MYH3: variants seen among roughly 807,000 people sequenced by gnomAD.
The protein encoded by MYH3 is myosin heavy chain 3.
Under a neutral mutation model 238.0 loss-of-function variants are expected in MYH3, and 130 were observed. The observed-to-expected ratio is 0.55, with a 90% confidence interval of 0.47 to 0.63. The LOEUF (loss-of-function observed/expected upper bound fraction) is 0.63, where lower values mean the gene tolerates loss of function less well. MYH3 is among the 30% of genes least tolerant of loss of function. The pLI, the probability that MYH3 is intolerant of heterozygous loss-of-function variation, is 0.00. For missense variants in MYH3, 1,853 were observed against 2,374.9 expected, an observed-to-expected ratio of 0.78 and a Z score of 4.57; for synonymous variants, 880 against 924.1, an observed-to-expected ratio of 0.95 and a Z score of 0.86.
chr17:10,663,790 C>T, the MYH3 span, among the ~76,000 whole-genome samples: 3 of 152,038 alleles, frequency 2.0e-5, no homozygotes, highest in Non-Finnish European at 2.9e-5. Flanking sequence ...TGGCCAGATG[C>T]GGTGGCTCAC....
chr17:10,630,555 A>C, intron 36 of MYH3, 97 bp from the exon 37 acceptor site: 1 of 1,571,636 alleles, frequency 6.4e-7, no homozygotes, highest in Non-Finnish European at 8.7e-7. Context: ...GACCATGCTA[A>C]AGAAAAAGGA....
chr17:10,664,708 G>A, the MYH3 span, among the ~76,000 whole-genome samples: 5 of 152,140 alleles, frequency 3.3e-5, no homozygotes, highest in Non-Finnish European at 7.3e-5. Flanking sequence ...ATCTATGGTG[G>A]GGCAGGTGGC....
rs936688360 is a variant in MYH3 at position 10,645,464 on chromosome 17, A to G, written c.1141+243T>C. Among the ~76,000 whole-genome samples the G allele has an allele frequency of 2.0e-5, 3 of 151,826 alleles. No individual in the cohort carries two copies. The East Asian group carries it at 6.0e-4, about 30-fold the overall frequency. On this transcript the variant is annotated intron_variant, in intron 12 of 40. Coordinates refer to ENST00000583535, the MANE Select transcript of MYH3 (RefSeq NM_002470.4). Reference sequence around the variant, plus strand: ...TGCCTCAGCCTCCTGAGTAGCTGGGATTATAGGCATGCTCCACCATGCCCA... The same window carrying G: ...TGCCTCAGCCTCCTGAGTAGCTGGGGTTATAGGCATGCTCCACCATGCCCA...
At chr17:10,631,090 A>G (rs2074151664) in intron 36 of MYH3, among the ~76,000 whole-genome samples, 1 of 152,098 alleles carries the variant, frequency 6.6e-6, no homozygotes, top group Admixed American at 6.5e-5. Context: ...ACCAATATAT[A>G]TTTTCAAAGG....
the MYH3 span, among the ~76,000 whole-genome samples, chr17:10,669,558 G>C: frequency 0.57 from 80,534 of 141,852 alleles, 24,868 homozygotes; most frequent in African/African-American, 0.83. Context: ...CAGAGTGAGA[G>C]TCCATCTCAA....
rs752266690 is a variant in MYH3 at position 10,631,631 on chromosome 17, CCTT to C, written c.5263_5265del (p.Lys1755del). On this transcript the variant is annotated inframe_deletion, in exon 36 of 41. Transcript: ENST00000583535. The stretch of plus-strand genomic sequence containing the variant: ...CTTACGTCCGTGATGGCCTTCTTGG[CCTT>C]CTCCTCAGCGTTCCTTGCATCCCTG... The C allele has an allele frequency of 8.2e-5, 132 of 1,614,032 alleles. 1 individual carries two copies. Among genetic ancestry groups the C allele is most frequent in the Non-Finnish European group, 1.1e-4 (128 of 1,180,032 alleles).
chr17:10,656,211 G>T (rs1429997558), intron 1 of MYH3, 63 bp from the exon 2 acceptor site: 2 of 152,106 alleles, frequency 1.3e-5, no homozygotes, highest in African/African-American at 4.8e-5. Context: ...ATGTAGAATC[G>T]GCTTCTGACG....
chr17:10,663,742 T>A, the MYH3 span, among the ~76,000 whole-genome samples: 1 of 144,146 alleles, frequency 6.9e-6, no homozygotes, highest in Non-Finnish European at 1.6e-5. Context: ...GTGTCACCTA[T>A]TCCAAAAACT....
intron 14 of MYH3, among the ~76,000 whole-genome samples, chr17:10,643,539 C>T (rs1357033265): frequency 6.6e-6 from 1 of 152,108 alleles, no homozygotes; most frequent in African/African-American, 2.4e-5. Flanking sequence ...CCACACCCAT[C>T]TAATTTTTGT....
chr17:10,648,474 G>T, intron 8 of MYH3, 83 bp downstream of exon 8: 2 of 1,134,726 alleles, frequency 1.8e-6, no homozygotes, highest in Non-Finnish European at 2.7e-6. Flanking sequence ...GTTGCCTCTG[G>T]TCTCTACACT....
At chr17:10,641,436 T>C (rs935694221) in intron 17 of MYH3, 64 bp from the exon 18 acceptor site, 6 of 1,178,936 alleles carry the variant, frequency 5.1e-6, no homozygotes, top group East Asian at 2.3e-5. Flanking sequence ...CAGAGATCCA[T>C]TGTAATGAAA....
intron 4 of MYH3, 138 bp downstream of exon 4, chr17:10,652,282 T>A: frequency 8.9e-7 from 1 of 1,120,118 alleles, no homozygotes; most frequent in South Asian, 1.3e-5. Context: ...TTCTTTCTCC[T>A]CCGTCTTTGT....
At chr17:10,672,947 T>A in the MYH3 span, 70,630 of 151,624 alleles carry the variant, frequency 0.47, 16,744 homozygotes, top group East Asian at 0.57. Flanking sequence ...GAAGTTTAGG[T>A]GCACTAGTTG....
chr17:10,631,178 G>A (rs1254172587), intron 36 of MYH3, among the ~76,000 whole-genome samples: 2 of 152,190 alleles, frequency 1.3e-5, no homozygotes, highest in Non-Finnish European at 2.9e-5. Flanking sequence ...GAAGGCCTCT[G>A]GAGAATTAAG....
intron 26 of MYH3, 132 bp downstream of exon 26, chr17:10,638,741 C>A (rs990431282): frequency 4.3e-6 from 4 of 926,472 alleles, no homozygotes; most frequent in Admixed American, 2.1e-5. Flanking sequence ...CCAGGCCAGC[C>A]TAGCAGAAAG....
intron 14 of MYH3, among the ~76,000 whole-genome samples, chr17:10,643,523 A>G (rs1383600140): frequency 2.0e-5 from 3 of 151,946 alleles, no homozygotes; most frequent in Admixed American, 6.6e-5. Context: ...CTACAGGCGC[A>G]CGCCACCACA....
the MYH3 span, among the ~76,000 whole-genome samples, chr17:10,665,316 T>C: frequency 1.1e-4 from 17 of 152,062 alleles, no homozygotes; most frequent in Admixed American, 1.1e-3. Context: ...CTAGTTTTTG[T>C]ATTTTTAGTA....
intron 11 of MYH3, 38 bp from the exon 12 acceptor site, chr17:10,645,883 C>T (rs1156414903): frequency 3.1e-6 from 5 of 1,613,888 alleles, no homozygotes; most frequent in African/African-American, 1.3e-5. Flanking sequence ...CAGTTGGCCC[C>T]AGTGATGGAG....
rs1267439024 is a variant in MYH3, at chr17:10,641,120, G to A, written c.2130C>T (p.Phe710=). The A allele has an allele frequency of 3.1e-6, 5 of 1,613,226 alleles. No individual in the cohort carries two copies. Among genetic ancestry groups the A allele is most frequent in the Non-Finnish European group, 4.2e-6 (5 of 1,179,760 alleles). Reference sequence around the variant, plus strand: ...AATCGCCATAGAGAATCCTGTTTGGGAACCCTTTCCTGCAGATGCGGATGC... The same window carrying A: ...AATCGCCATAGAGAATCCTGTTTGGAAACCCTTTCCTGCAGATGCGGATGC... ...LEGIRICRKG[F]PNRILYGDFK... The change falls in exon 19 of 41, where the codon TTC becomes TTT. Residue 710 remains phenylalanine, a synonymous_variant. Coordinates refer to ENST00000583535, the MANE Select transcript of MYH3 (RefSeq NM_002470.4).
Sources: allele counts gnomAD v4.1 joint callset (sites outside exome capture counted in the v4.1 genomes callset), GRCh38; gene constraint gnomAD v4.1.1; transcripts MANE v1.5; gene names NCBI Gene and HGNC (gene_info 2026-07-23, HGNC 2026-07-21).